TCF7L2: variants seen among roughly 807,000 people sequenced by gnomAD.
TCF7L2 encodes transcription factor 7 like 2.
A neutral mutation model predicts 77.9 loss-of-function variants in TCF7L2; 23 were observed. The ratio of observed to expected loss-of-function variants is 0.30; its 90% CI spans 0.21 to 0.42. TCF7L2 has a LOEUF of 0.42. Ranked by LOEUF, TCF7L2 falls within the 10% of genes least tolerant of loss-of-function variation. TCF7L2 has a pLI of 1.00. For synonymous variants in TCF7L2, 413 were observed against 340.2 expected, an observed-to-expected ratio of 1.21 and a Z score of -2.36; for missense variants, 654 against 793.1, an observed-to-expected ratio of 0.82 and a Z score of 2.11.
At chr10:113,127,526 T>A (rs952538853) in intron 5 of TCF7L2, among the ~76,000 whole-genome samples, 6 of 152,324 alleles carry the variant, frequency 3.9e-5, no homozygotes, top group African/African-American at 1.4e-4. Context: ...AATTTCATGC[T>A]GAAAGGAAAG....
At chr10:113,066,128 C>T (rs951192534) in intron 5 of TCF7L2, among the ~76,000 whole-genome samples, 13 of 151,868 alleles carry the variant, frequency 8.6e-5, no homozygotes, top group African/African-American at 2.9e-4. Context: ...TTTGGGAGGC[C>T]GAGGAGGGCG....
intron 3 of TCF7L2, among the ~76,000 whole-genome samples, chr10:112,954,075 C>T (rs2032809379): frequency 6.6e-6 from 1 of 152,192 alleles, no homozygotes; most frequent in African/African-American, 2.4e-5. Context: ...CGTCTTCAAT[C>T]AGAAGGCCAG....
intron 4 of TCF7L2, among the ~76,000 whole-genome samples, chr10:112,995,813 G>A (rs2043364650): frequency 6.6e-6 from 1 of 152,064 alleles, no homozygotes; most frequent in Admixed American, 6.5e-5. Context: ...CCTTTATTTG[G>A]CAGTCCCTTC....
At chr10:113,032,871 C>G (rs899218846) in intron 4 of TCF7L2, among the ~76,000 whole-genome samples, 3 of 152,124 alleles carry the variant, frequency 2.0e-5, no homozygotes, top group African/African-American at 7.2e-5. Context: ...TATTAGTGCT[C>G]TTTACATTGT....
chr10:113,102,327 AT>A (rs1454246922), intron 5 of TCF7L2, among the ~76,000 whole-genome samples: 1 of 151,988 alleles, frequency 6.6e-6, no homozygotes, highest in Non-Finnish European at 1.5e-5. Context: ...TATTTTGCCT[AT>A]CTTTACTTAT....
intron 4 of TCF7L2, among the ~76,000 whole-genome samples, 195 bp downstream of exon 4, chr10:112,964,819 G>GGGT: frequency 7.2e-6 from 1 of 138,690 alleles, no homozygotes; most frequent in East Asian, 2.3e-4. Flanking sequence ...TGGTGGGGGG[G>GGGT]GGTTGAATCA....
At chr10:112,977,595 C>A (rs939210394) in intron 4 of TCF7L2, among the ~76,000 whole-genome samples, 2 of 152,150 alleles carry the variant, frequency 1.3e-5, no homozygotes. Context: ...GTAAACTGTA[C>A]TTCAACAAGA....
chr10:113,065,771 C>A (rs973444854), intron 5 of TCF7L2, among the ~76,000 whole-genome samples: 4 of 152,148 alleles, frequency 2.6e-5, no homozygotes, highest in Non-Finnish European at 5.9e-5. Context: ...CTACCTCCCT[C>A]ATAGGTTGTA....
intron 5 of TCF7L2, among the ~76,000 whole-genome samples, chr10:113,053,224 G>A: frequency 6.6e-6 from 1 of 152,180 alleles, no homozygotes; most frequent in South Asian, 2.1e-4. Flanking sequence ...GTCAAGGAGC[G>A]GGAGGGCGGG....
At chr10:112,964,830 C>T (rs1354813731) in intron 4 of TCF7L2, among the ~76,000 whole-genome samples, 1 of 95,030 alleles carries the variant, frequency 1.1e-5, no homozygotes, top group Non-Finnish European at 2.2e-5. Context: ...GGTTGAATCA[C>T]TGGGGGAGAA....
chr10:113,094,624 C>T (rs4639863), intron 5 of TCF7L2, among the ~76,000 whole-genome samples: 28,713 of 152,188 alleles, frequency 0.19, 3,356 homozygotes, highest in Admixed American at 0.25. Context: ...AATACTTCCT[C>T]TCAGTCTTTT....
At chr10:112,999,825 G>A (rs952459922) in intron 4 of TCF7L2, among the ~76,000 whole-genome samples, 5 of 152,088 alleles carry the variant, frequency 3.3e-5, no homozygotes, top group South Asian at 4.1e-4. Context: ...TGTCTATATC[G>A]TGTTAGAACT....
chr10:113,006,804 A>T (rs768781432), intron 4 of TCF7L2, among the ~76,000 whole-genome samples: 1 of 152,230 alleles, frequency 6.6e-6, no homozygotes, highest in African/African-American at 2.4e-5. Context: ...GGCAAAGCCC[A>T]GGACAGGGCT....
intron 5 of TCF7L2, among the ~76,000 whole-genome samples, chr10:113,119,061 A>G (rs892093027): frequency 1.3e-5 from 2 of 152,190 alleles, no homozygotes; most frequent in Non-Finnish European, 2.9e-5. Context: ...AAAATTGAAG[A>G]AAATGTCATG....
At chr10:113,161,720 C>A in intron 13 of TCF7L2, 1 of 1,124,308 alleles carries the variant, frequency 8.9e-7, no homozygotes, top group Non-Finnish European at 1.3e-6. Context: ...ATCAGATGTG[C>A]ATCCCATTAC....
intron 4 of TCF7L2, among the ~76,000 whole-genome samples, chr10:112,971,989 C>T (rs922894914): frequency 1.8e-4 from 28 of 151,666 alleles, no homozygotes; most frequent in East Asian, 5.8e-4. Context: ...GGTGCGATCT[C>T]GGCTCACTGC....
At chr10:113,097,646 GAAA>G (rs869133669) in intron 5 of TCF7L2, among the ~76,000 whole-genome samples, 15 of 36,744 alleles carry the variant, frequency 4.1e-4, no homozygotes, top group Admixed American at 1.9e-3. Context: ...TCTTGTCTCG[GAAA>G]AAAAAAAAAA....
At chr10:113,158,109 C>G (rs1337577941) in intron 12 of TCF7L2, 40 bp downstream of exon 12, 12 of 1,565,870 alleles carry the variant, frequency 7.7e-6, no homozygotes, top group Non-Finnish European at 1.0e-5. Context: ...GAGCTGTAGC[C>G]TGAGGACCAC....
rs2137178962 is a variant in TCF7L2, at chr10:113,152,372, G to A, written c.1201G>A (p.Glu401Lys). ...CAGAGAAGAGCAAGCGAAATACTACGAGCTGGCCCGGAAGGAGCGACAGCT... is the reference window on the plus strand; with the variant it reads ...CAGAGAAGAGCAAGCGAAATACTACAAGCTGGCCCGGAAGGAGCGACAGCT... The change falls in exon 11 of 14, where the codon GAG becomes AAG. Residue 401 changes from glutamate (E) to lysine (K), a missense_variant. By Grantham distance (56) the Glu-to-Lys change is moderately conservative. Transcript: ENST00000627217. The A allele has an allele frequency of 6.2e-7, 1 of 1,614,150 alleles. No individual in the cohort carries two copies. Among genetic ancestry groups the A allele is most frequent in the Non-Finnish European group, 8.5e-7 (1 of 1,180,030 alleles).
Sources: gnomAD v4.1 joint callset for allele counts (sites outside exome capture counted in the v4.1 genomes callset) on GRCh38, gnomAD v4.1.1 for gene constraint, MANE v1.5 for transcripts, NCBI Gene and HGNC (gene_info 2026-07-23, HGNC 2026-07-21) for gene names.